PRKG1: variants seen among roughly 807,000 people sequenced by gnomAD.
PRKG1 encodes cGMP-dependent protein kinase 1.
In PRKG1, 35 loss-of-function variants were observed where a neutral mutation model predicts 88.1. The observed-to-expected ratio is 0.40, with a 90% confidence interval of 0.30 to 0.53. The LOEUF is 0.53. Among genes scored for constraint, PRKG1 ranks in the 20% least tolerant of loss-of-function variants. PRKG1 has a pLI of 0.59. For missense variants in PRKG1, 540 were observed against 839.8 expected (o/e 0.64, Z 4.41); for synonymous variants, 303 against 292.5 (o/e 1.04, Z -0.37).
chr10:51,028,957 C>T (rs1752153830), intron 1 of PRKG1, among the ~76,000 whole-genome samples: 1 of 151,958 alleles, frequency 6.6e-6, no homozygotes, highest in Admixed American at 6.6e-5. Flanking sequence ...TAAAAATAAC[C>T]AATAGCTTAG....
At chr10:51,425,697 G>T (rs1321700586) in intron 2 of PRKG1, among the ~76,000 whole-genome samples, 8 of 152,084 alleles carry the variant, frequency 5.3e-5, no homozygotes, top group Admixed American at 5.2e-4. Context: ...GCCAAGCCCA[G>T]CGTGGTTCAA....
chr10:51,670,009 A>G (rs1393450173), intron 3 of PRKG1, among the ~76,000 whole-genome samples: 1 of 152,158 alleles, frequency 6.6e-6, no homozygotes, highest in Non-Finnish European at 1.5e-5. Flanking sequence ...ATATTTGCCT[A>G]TGATTCTTTG....
intron 5 of PRKG1, among the ~76,000 whole-genome samples, chr10:51,932,562 C>T (rs964117322): frequency 6.6e-6 from 1 of 152,112 alleles, no homozygotes; most frequent in Non-Finnish European, 1.5e-5. Flanking sequence ...TTTTATGCTG[C>T]TCTGCCTTGC....
At chr10:51,961,938 T>TA (rs750226678) in intron 5 of PRKG1, among the ~76,000 whole-genome samples, 8 of 152,030 alleles carry the variant, frequency 5.3e-5, no homozygotes, top group African/African-American at 1.4e-4. Flanking sequence ...CCCAGTTAAA[T>TA]AAAAAATTAA....
At chr10:51,634,009 G>A (rs769970745) in intron 3 of PRKG1, among the ~76,000 whole-genome samples, 14 of 152,096 alleles carry the variant, frequency 9.2e-5, no homozygotes, top group Non-Finnish European at 1.6e-4. Flanking sequence ...AATAAAAAAT[G>A]TTTTGGTCAT....
intron 2 of PRKG1, among the ~76,000 whole-genome samples, chr10:51,397,489 C>T (rs561011534): frequency 5.9e-5 from 9 of 152,270 alleles, no homozygotes; most frequent in Admixed American, 1.3e-4. Flanking sequence ...AACCTCTTAC[C>T]TAGAGGCCCT....
At chr10:51,176,812 C>T (rs780386040) in intron 2 of PRKG1, among the ~76,000 whole-genome samples, 1 of 152,066 alleles carries the variant, frequency 6.6e-6, no homozygotes, top group Non-Finnish European at 1.5e-5. Flanking sequence ...CACCAGTAGA[C>T]CAATGTGACA....
At chr10:51,311,637 G>T (rs1256389227) in intron 2 of PRKG1, among the ~76,000 whole-genome samples, 1 of 152,204 alleles carries the variant, frequency 6.6e-6, no homozygotes, top group East Asian at 1.9e-4. Flanking sequence ...TTAACCAAAA[G>T]TGTTCATAAA....
intron 5 of PRKG1, among the ~76,000 whole-genome samples, chr10:51,925,797 C>T (rs952722732): frequency 6.6e-6 from 1 of 152,084 alleles, no homozygotes; most frequent in Non-Finnish European, 1.5e-5. Flanking sequence ...ATTTTTGGGG[C>T]AGCAGTTTGC....
chr10:52,043,607 G>A (rs11000558), intron 5 of PRKG1, among the ~76,000 whole-genome samples: 35,865 of 151,744 alleles, frequency 0.24, 4,533 homozygotes, highest in South Asian at 0.32. Flanking sequence ...GACAGTTAGA[G>A]AGGAAAAATA....
chr10:51,598,823 A>G (rs1256822318), intron 3 of PRKG1, among the ~76,000 whole-genome samples: 2 of 152,178 alleles, frequency 1.3e-5, no homozygotes, highest in African/African-American at 4.8e-5. Context: ...TTCCAAATAA[A>G]ATCTTAGAGT....
intron 2 of PRKG1, among the ~76,000 whole-genome samples, chr10:51,286,295 C>A (rs1840439988): frequency 6.6e-6 from 1 of 152,122 alleles, no homozygotes. Flanking sequence ...CAAAGGCATC[C>A]TTTCATGTTT....
At chr10:51,171,766 C>T (rs1837031694) in intron 2 of PRKG1, among the ~76,000 whole-genome samples, 1 of 151,996 alleles carries the variant, frequency 6.6e-6, no homozygotes. Context: ...TTTCACTTTC[C>T]TAAGCAACTT....
chr10:52,002,002 T>C (rs1412722461), intron 5 of PRKG1, among the ~76,000 whole-genome samples: 2 of 151,992 alleles, frequency 1.3e-5, no homozygotes, highest in African/African-American at 2.4e-5. Flanking sequence ...ATATGATCCA[T>C]GAAAAGGAAA....
At chr10:51,656,430 C>T (rs1840162456) in intron 3 of PRKG1, among the ~76,000 whole-genome samples, 3 of 152,120 alleles carry the variant, frequency 2.0e-5, no homozygotes, top group African/African-American at 2.4e-5. Context: ...TATTGAGAGC[C>T]CATCATGTAT....
chr10:51,410,120 A>T (rs930862495), intron 2 of PRKG1, among the ~76,000 whole-genome samples: 4 of 151,900 alleles, frequency 2.6e-5, no homozygotes, highest in African/African-American at 9.7e-5. Context: ...CTAGTACCAA[A>T]ATCGGTGTTA....
At chr10:51,638,956 A>C (rs1198646055) in intron 3 of PRKG1, among the ~76,000 whole-genome samples, 1 of 152,236 alleles carries the variant, frequency 6.6e-6, no homozygotes, top group Non-Finnish European at 1.5e-5. Flanking sequence ...TAAGTTCTAC[A>C]TAAGAACAGC....
At chr10:51,841,318 T>A (rs1564670184) in intron 4 of PRKG1, among the ~76,000 whole-genome samples, 1 of 152,172 alleles carries the variant, frequency 6.6e-6, no homozygotes, top group Non-Finnish European at 1.5e-5. Context: ...GAAGACATGG[T>A]CTATTTTTTC....
chr10:52,143,876 C>G (rs1678278439), intron 8 of PRKG1, among the ~76,000 whole-genome samples: 1 of 152,180 alleles, frequency 6.6e-6, no homozygotes, highest in Admixed American at 6.6e-5. Flanking sequence ...AAACCAAATC[C>G]TATTCTGGGA....
Sources: gnomAD v4.1 joint callset for allele counts (sites outside exome capture counted in the v4.1 genomes callset) on GRCh38, gnomAD v4.1.1 for gene constraint, MANE v1.5 for transcripts, NCBI Gene and HGNC (gene_info 2026-07-23, HGNC 2026-07-21) for gene names.